Variants in ZNHIT6 observed in about 807,000 individuals in gnomAD.
ZNHIT6 encodes the protein box C/D snoRNA protein 1.
ZNHIT6 carries 45 observed loss-of-function variants against 57.2 expected under a neutral mutation model. That is an observed-to-expected ratio of 0.79 (90% confidence interval 0.62 to 1.01). ZNHIT6 has a LOEUF of 1.01. Ranked by LOEUF, ZNHIT6 falls within the 50% of genes least tolerant of loss-of-function variation. The pLI is 0.00. For missense variants in ZNHIT6, 528 were observed against 567.3 expected, an observed-to-expected ratio of 0.93 and a Z score of 0.70; for synonymous variants, 188 against 190.0, an observed-to-expected ratio of 0.99 and a Z score of 0.09.
At chr1:85,672,365 T>G (rs1411233329) in intron 8 of ZNHIT6, among the ~76,000 whole-genome samples, 1 of 152,124 alleles carries the variant, frequency 6.6e-6, no homozygotes, top group Admixed American at 6.6e-5. Context: ...GGTCTTGAAC[T>G]AACTCTTCAA....
chr1:85,669,247 A>AGAC (rs1298715148), intron 8 of ZNHIT6, among the ~76,000 whole-genome samples: 1 of 152,152 alleles, frequency 6.6e-6, no homozygotes, highest in East Asian at 1.9e-4. Context: ...AAAAGAGGTC[A>AGAC]GGTGGGGCTC....
chr1:85,668,892 A>G (rs980888522), intron 8 of ZNHIT6, among the ~76,000 whole-genome samples: 2 of 152,156 alleles, frequency 1.3e-5, no homozygotes, highest in Admixed American at 6.6e-5. Context: ...GGAACCAAAA[A>G]TGTCCTCAAA....
At chr1:85,656,944 A>G (rs552584489) in intron 9 of ZNHIT6, among the ~76,000 whole-genome samples, 13 of 152,270 alleles carry the variant, frequency 8.5e-5, no homozygotes, top group African/African-American at 3.1e-4. Flanking sequence ...TAAACTACCC[A>G]TTTCAAATAC....
intron 5 of ZNHIT6, among the ~76,000 whole-genome samples, chr1:85,684,015 G>C (rs928045790): frequency 3.3e-5 from 5 of 152,088 alleles, no homozygotes; most frequent in Non-Finnish European, 5.9e-5. Flanking sequence ...GAACCACAAG[G>C]ATAAAGGTTT....
intron 1 of ZNHIT6, among the ~76,000 whole-genome samples, chr1:85,706,835 T>C (rs538754326): frequency 1.5e-4 from 23 of 152,366 alleles, no homozygotes; most frequent in African/African-American, 5.3e-4. Flanking sequence ...AATGATTGTA[T>C]GTGTGTGTAT....
intron 5 of ZNHIT6, among the ~76,000 whole-genome samples, chr1:85,687,431 C>T (rs989102359): frequency 6.6e-6 from 1 of 151,684 alleles, no homozygotes; most frequent in Non-Finnish European, 1.5e-5. Context: ...TGTTTAGTGG[C>T]TAGAGATGAA....
At chr1:85,657,331 C>T (rs1280401740) in intron 9 of ZNHIT6, among the ~76,000 whole-genome samples, 3 of 150,598 alleles carry the variant, frequency 2.0e-5, no homozygotes, top group Non-Finnish European at 4.4e-5. Flanking sequence ...AAGGCAATGG[C>T]ATTAACTTAT....
rs1005427127 is a variant in ZNHIT6, at chr1:85,706,260, T to A, written c.818A>T (p.Asn273Ile). The change falls in exon 3 of 10, where the codon AAT becomes ATT. Residue 273 changes from asparagine (N) to isoleucine (I), a missense_variant. Asn to Ile is a moderately radical substitution (Grantham distance 149). Transcript: ENST00000370574. ...ATAAAGTGGCTTACCACTTAGGAGA[T>A]TCATTTCAGTAAACTGTTGTATTGA... ...YISIQQFTEM[N>I]LLSDYRFLED... 2 of 1,611,230 alleles carry A rather than the reference T, an allele frequency of 1.2e-6. No individual in the cohort carries two copies. The highest frequency in any genetic ancestry group is 2.7e-5 in the African/African-American group (2 of 74,916).
intron 5 of ZNHIT6, among the ~76,000 whole-genome samples, chr1:85,683,637 C>A (rs1039679721): frequency 6.6e-6 from 1 of 151,840 alleles, no homozygotes; most frequent in Non-Finnish European, 1.5e-5. Flanking sequence ...CTTCTTAAGA[C>A]TGAAAGAATT....
Position 85,678,874 on chromosome 1 carries a change from T to C in ZNHIT6, c.1089-93A>G, listed in dbSNP as rs960053212. On this transcript the variant is annotated intron_variant, in intron 6 of 9. Transcript: ENST00000370574. ...TGAATTATTAAATATTGTGGCTTTT[T>C]TGGTTTAAATAACTGAACAAAGACC... 4 of 669,772 alleles carry C rather than the reference T, an allele frequency of 6.0e-6. No homozygotes were observed. In the African/African-American group the frequency reaches 7.7e-5, roughly 13 times the overall value. The allele number at this position is 669,772 out of a possible 1,614,324, so 41.5% of individuals were successfully genotyped here. A position where few individuals can be genotyped will look rare whatever the true frequency, so the allele number is the denominator to read the frequency against.
intron 5 of ZNHIT6, among the ~76,000 whole-genome samples, chr1:85,697,211 C>T (rs1250035635): frequency 6.6e-6 from 1 of 152,044 alleles, no homozygotes; most frequent in Non-Finnish European, 1.5e-5. Context: ...TAATTAGTTG[C>T]TAGTCTTTTT....
intron 5 of ZNHIT6, among the ~76,000 whole-genome samples, chr1:85,699,177 T>C (rs1662460404): frequency 1.3e-5 from 2 of 152,122 alleles, no homozygotes; most frequent in Admixed American, 6.5e-5. Context: ...CAGAATTCTT[T>C]GAAAAAATTT....
At chr1:85,659,073 C>T (rs1267717944) in intron 8 of ZNHIT6, among the ~76,000 whole-genome samples, 1 of 151,988 alleles carries the variant, frequency 6.6e-6, no homozygotes, top group African/African-American at 2.4e-5. Context: ...GTCAATTATT[C>T]TAATTATAAC....
At chr1:85,691,987 G>A (rs1346596077) in intron 5 of ZNHIT6, among the ~76,000 whole-genome samples, 8 of 152,156 alleles carry the variant, frequency 5.3e-5, no homozygotes, top group South Asian at 2.1e-4. Flanking sequence ...TGGCCAACAC[G>A]GTGAAACCCT....
At chr1:85,676,868 C>T (rs1380562407) in intron 8 of ZNHIT6, among the ~76,000 whole-genome samples, 3 of 151,928 alleles carry the variant, frequency 2.0e-5, no homozygotes, top group African/African-American at 7.3e-5. Flanking sequence ...TGAACATGTG[C>T]TGTTGGAAAA....
chr1:85,683,353 C>T (rs1037851911), intron 5 of ZNHIT6, among the ~76,000 whole-genome samples: 2 of 152,016 alleles, frequency 1.3e-5, no homozygotes, highest in African/African-American at 4.8e-5. Context: ...CCCGTCTCTA[C>T]TAAAAACACA....
At chr1:85,688,333 AG>A (rs1310849489) in intron 5 of ZNHIT6, among the ~76,000 whole-genome samples, 4 of 152,210 alleles carry the variant, frequency 2.6e-5, no homozygotes, top group Admixed American at 1.3e-4. Context: ...ATTTGAGCCC[AG>A]GCAGTGCTTC....
At chr1:85,662,681 A>G (rs1357698214) in intron 8 of ZNHIT6, among the ~76,000 whole-genome samples, 1 of 152,218 alleles carries the variant, frequency 6.6e-6, no homozygotes, top group Non-Finnish European at 1.5e-5. Context: ...TATTTTAAAA[A>G]TCACAGTAGT....
rs1156795211 is a variant in ZNHIT6 at position 85,667,947 on chromosome 1, C to CAAAAAAAAAAAAAAAAAA, written c.1247+9288_1247+9289insTTTTTTTTTTTTTTTTTT. 1.6e-3 allele frequency among the ~76,000 whole-genome samples: 15 copies of CAAAAAAAAAAAAAAAAAA among 9,256 alleles called. 4 individuals are homozygous for CAAAAAAAAAAAAAAAAAA. Among genetic ancestry groups the CAAAAAAAAAAAAAAAAAA allele is most frequent in the African/African-American group, 3.9e-3 (10 of 2,574 alleles). The allele number at this position is 9,256 out of a possible 152,430, so 6.1% of individuals were successfully genotyped here. ...AGACTCATTCACTCACTCTCTCTTT[C>CAAAAAAAAAAAAAAAAAA]AAAAAAAAAAAAAAATATATATATA... On this transcript the variant is annotated intron_variant, in intron 8 of 9. Transcript: ENST00000370574.
Sources: allele counts gnomAD v4.1 joint callset (sites outside exome capture counted in the v4.1 genomes callset), GRCh38; gene constraint gnomAD v4.1.1; transcripts MANE v1.5; gene names NCBI Gene and HGNC (gene_info 2026-07-23, HGNC 2026-07-21).